The following ABCC4 variants were observed in gnomAD, a reference collection of about 807,000 sequenced individuals.
The protein encoded by ABCC4 is ATP binding cassette subfamily C member 4 (PEL blood group).
A neutral mutation model predicts 168.5 loss-of-function variants in ABCC4; 102 were observed. The ratio of observed to expected loss-of-function variants is 0.61; its 90% confidence interval spans 0.52 to 0.71. The LOEUF (loss-of-function observed/expected upper bound fraction) is 0.71. ABCC4 is among the 30% of genes least tolerant of loss of function. ABCC4 has a pLI of 0.00. For missense variants in ABCC4, 1,402 were observed against 1,605.8 expected (o/e 0.87, Z 2.17); for synonymous variants, 617 against 590.7 (o/e 1.04, Z -0.65).
chr13:95,269,436 T>A (rs1970476), intron 1 of ABCC4: 63,962 of 99,790 alleles, frequency 0.64, 17,495 homozygotes, highest in Non-Finnish European at 0.7. Context: ...AAAAAAAAAA[T>A]ATATATATAT....
intron 30 of ABCC4, among the ~76,000 whole-genome samples, chr13:95,029,831 G>A (rs904458827): frequency 1.3e-4 from 20 of 152,194 alleles, no homozygotes; most frequent in Middle Eastern, 6.8e-3. Context: ...TGAAGAAACC[G>A]GAGCAGTACT....
chr13:95,090,469 G>A (rs754140263), intron 20 of ABCC4, among the ~76,000 whole-genome samples: 1 of 152,260 alleles, frequency 6.6e-6, no homozygotes, highest in South Asian at 2.1e-4. Flanking sequence ...GCAGACAACC[G>A]CCAGTGCCAA....
chr13:95,139,437 A>C (rs899624090), intron 19 of ABCC4, among the ~76,000 whole-genome samples: 31 of 152,188 alleles, frequency 2.0e-4, no homozygotes, highest in Admixed American at 6.5e-5. Flanking sequence ...GTAACCCAGA[A>C]ACTTGACCCT....
chr13:95,277,578 C>CTCAAAAA (rs2041003776), intron 1 of ABCC4, among the ~76,000 whole-genome samples: 5 of 131,456 alleles, frequency 3.8e-5, no homozygotes, highest in African/African-American at 1.4e-4. Context: ...TGAGACTTCT[C>CTCAAAAA]AAAAAAAAAA....
chr13:95,179,830 G>A (rs908002860), intron 11 of ABCC4, among the ~76,000 whole-genome samples: 3 of 152,112 alleles, frequency 2.0e-5, no homozygotes, highest in Non-Finnish European at 4.4e-5. Flanking sequence ...CAAATCCTCT[G>A]ACCTCCCTAA....
intron 3 of ABCC4, among the ~76,000 whole-genome samples, chr13:95,240,168 AG>A (rs1423726570): frequency 2.6e-5 from 4 of 152,222 alleles, no homozygotes; most frequent in Non-Finnish European, 4.4e-5. Flanking sequence ...GGGTCACAAG[AG>A]GGGAGGAGGG....
chr13:95,037,631 T>C (rs955834805), intron 29 of ABCC4, among the ~76,000 whole-genome samples: 3 of 152,222 alleles, frequency 2.0e-5, no homozygotes, highest in Non-Finnish European at 4.4e-5. Context: ...CATTATTATT[T>C]ACTTTCAGTT....
At chr13:95,034,516 C>T (rs1260488534) in intron 30 of ABCC4, 89 bp downstream of exon 30, 2 of 1,489,756 alleles carry the variant, frequency 1.3e-6, no homozygotes, top group South Asian at 1.3e-5. Flanking sequence ...AAAGGGTACA[C>T]AGTGCTTGTT....
chr13:95,145,333 A>G (rs2036455419), intron 19 of ABCC4, among the ~76,000 whole-genome samples: 1 of 151,902 alleles, frequency 6.6e-6, no homozygotes, highest in African/African-American at 2.4e-5. Context: ...AAAGACACAC[A>G]TGGCTGGACA....
chr13:95,083,372 C>T (rs2034160714), intron 20 of ABCC4, 82 bp from the exon 21 acceptor site: 1 of 1,495,422 alleles, frequency 6.7e-7, no homozygotes, highest in Non-Finnish European at 9.1e-7. Flanking sequence ...GTTAGGATTA[C>T]ACTCCTTTCT....
In ABCC4 at chr13:95,096,197, A is replaced by G. The variant is rs1000800073; in HGVS notation, c.2536-12907T>C. On this transcript the variant is annotated intron_variant, in intron 20 of 30. Transcript: ENST00000645237. ...TCCCATCTCTATGAAAGAAAAAAAA[A>G]AACATATTCAATGGGCTGGCAGCAG... 1.9e-5 allele frequency: 12 copies of G among 643,690 alleles called. No individual in the cohort carries two copies. In the African/African-American group the frequency reaches 1.9e-4, roughly 10 times the overall value. 39.9% of individuals were successfully genotyped at this position (643,690 alleles called of 1,614,324 possible). A position where few individuals can be genotyped will look rare whatever the true frequency, so the allele number is the denominator to read the frequency against.
intron 19 of ABCC4, among the ~76,000 whole-genome samples, chr13:95,152,824 A>C (rs1271454599): frequency 6.6e-6 from 1 of 152,184 alleles, no homozygotes; most frequent in Non-Finnish European, 1.5e-5. Context: ...TCCAGTTATA[A>C]ATGGAAAACT....
chr13:95,293,784 C>CTTT (rs35106299), intron 1 of ABCC4, among the ~76,000 whole-genome samples: 4 of 138,650 alleles, frequency 2.9e-5, no homozygotes, highest in Non-Finnish European at 4.6e-5. Flanking sequence ...TTTTCTTTTG[C>CTTT]TTTTTTTTTT....
chr13:95,206,380 AG>A, intron 8 of ABCC4, 151 bp downstream of exon 8: 1 of 991,374 alleles, frequency 1.0e-6, no homozygotes, highest in East Asian at 2.5e-5. Flanking sequence ...TATCTAAGAT[AG>A]GGAAGTACAC....
chr13:95,063,978 C>G (rs775749392), intron 25 of ABCC4, among the ~76,000 whole-genome samples: 1 of 152,088 alleles, frequency 6.6e-6, no homozygotes, highest in Non-Finnish European at 1.5e-5. Context: ...AATTTTAAAA[C>G]TCACTGCAAA....
intron 3 of ABCC4, among the ~76,000 whole-genome samples, chr13:95,242,234 A>AC (rs111377919): frequency 2.0e-5 from 3 of 150,228 alleles, no homozygotes; most frequent in African/African-American, 7.3e-5. Context: ...TAACTCCATA[A>AC]TTTTTTTTTT....
rs561014469 is a variant in ABCC4 at position 95,250,892 on chromosome 13, A to T, written c.75-3139T>A. On this transcript the variant is annotated intron_variant, in intron 1 of 30. Transcript: ENST00000645237. ...AGTCTCAAACTTCTGAATTCAAGCAATCCTCCCACCTCTACCTCCCAAGTA... is the reference window on the plus strand; with the variant it reads ...AGTCTCAAACTTCTGAATTCAAGCATTCCTCCCACCTCTACCTCCCAAGTA... Among the ~76,000 whole-genome samples, 18 of 150,318 alleles carry T rather than the reference A, an allele frequency of 1.2e-4. No individual in the cohort carries two copies. The South Asian group carries it at 3.2e-3, about 26-fold the overall frequency.
intron 20 of ABCC4, 106 bp from the exon 21 acceptor site, chr13:95,083,396 TGTA>T (rs1179841874): frequency 1.5e-6 from 2 of 1,348,614 alleles, no homozygotes; most frequent in African/African-American, 2.9e-5. Context: ...AAAGACTTAT[TGTA>T]GTACCAGGGA....
chr13:95,091,177 G>A (rs1429002141), intron 20 of ABCC4, among the ~76,000 whole-genome samples: 1 of 152,192 alleles, frequency 6.6e-6, no homozygotes, highest in Non-Finnish European at 1.5e-5. Context: ...AGAATAATCA[G>A]TGTTCCTGAG....
Sources: gnomAD v4.1 joint callset for allele counts (sites outside exome capture counted in the v4.1 genomes callset) on GRCh38, gnomAD v4.1.1 for gene constraint, MANE v1.5 for transcripts, NCBI Gene and HGNC (gene_info 2026-07-23, HGNC 2026-07-21) for gene names.